The following NCKAP5 variants were observed in gnomAD, a reference collection of about 807,000 sequenced individuals.
NCKAP5 encodes NCK associated protein 5, also known as nck-associated protein 5.
Under a neutral mutation model 167.0 loss-of-function variants are expected in NCKAP5, and 92 were observed. That is an observed-to-expected ratio of 0.55 (90% CI 0.47 to 0.66). NCKAP5 has a LOEUF of 0.66. Among genes scored for constraint, NCKAP5 ranks in the 30% least tolerant of loss-of-function variants. NCKAP5 has a pLI of 0.00. For missense variants in NCKAP5, 2,378 were observed against 2,315.0 expected, an observed-to-expected ratio of 1.03 and a Z score of -0.56; for synonymous variants, 891 against 877.4, an observed-to-expected ratio of 1.02 and a Z score of -0.27.
chr2:133,036,147 C>T (rs557836120), intron 6 of NCKAP5, among the ~76,000 whole-genome samples: 5 of 151,840 alleles, frequency 3.3e-5, no homozygotes, highest in Admixed American at 2.6e-4. Flanking sequence ...CCTGAACAGA[C>T]CAATAACAAA....
intron 6 of NCKAP5, among the ~76,000 whole-genome samples, chr2:133,083,943 C>T (rs2080897415): frequency 6.6e-6 from 1 of 152,114 alleles, no homozygotes; most frequent in South Asian, 2.1e-4. Flanking sequence ...AAGAACAACT[C>T]TGGTGAGTTC....
At chr2:133,575,239 G>A in the NCKAP5 span, among the ~76,000 whole-genome samples, 795 of 152,314 alleles carry the variant, frequency 5.2e-3, 5 homozygotes, top group Middle Eastern at 0.024. Flanking sequence ...TGTCACTGCT[G>A]GCTTAAACTT....
At chr2:133,283,437 C>T (rs1385889300) in intron 4 of NCKAP5, among the ~76,000 whole-genome samples, 4 of 152,014 alleles carry the variant, frequency 2.6e-5, no homozygotes, top group Admixed American at 2.6e-4. Context: ...ATTCTAAAAT[C>T]ATTCTATAAT....
intron 3 of NCKAP5, among the ~76,000 whole-genome samples, chr2:133,484,806 T>TA (rs1680761432): frequency 7.0e-6 from 1 of 143,016 alleles, no homozygotes; most frequent in African/African-American, 3.0e-5. Context: ...TATTCTAAAA[T>TA]CAAAAAAAAA....
At position 132,795,820 on chromosome 2, in the gene NCKAP5, G is replaced by GAA. The variant is rs55826486; in HGVS notation, c.909+806_909+807dup. The stretch of plus-strand genomic sequence containing the variant: ...GGCAACAGGATGAGACCCCGTATCA[G>GAA]AAAAAAAAAAAAAAAAAACAAAAAA... On this transcript the variant is annotated intron_variant, in intron 12 of 19. Transcript: ENST00000409261. Among the ~76,000 whole-genome samples, 119 of 85,026 alleles carry GAA rather than the reference G, an allele frequency of 1.4e-3. 5 individuals carry two copies. Among genetic ancestry groups the GAA allele is most frequent in the Non-Finnish European group, 1.6e-3 (63 of 39,076 alleles). 55.8% of individuals were successfully genotyped at this position (85,026 alleles called of 152,430 possible).
intron 3 of NCKAP5, among the ~76,000 whole-genome samples, chr2:133,343,534 A>T (rs1472206719): frequency 1.3e-5 from 2 of 152,180 alleles, no homozygotes; most frequent in Non-Finnish European, 2.9e-5. Context: ...TCTTCAAAAA[A>T]TTTTATTTTT....
intron 6 of NCKAP5, among the ~76,000 whole-genome samples, chr2:133,071,993 T>G (rs1259677706): frequency 6.6e-6 from 1 of 152,210 alleles, no homozygotes; most frequent in African/African-American, 2.4e-5. Flanking sequence ...TTAGCTGTTG[T>G]TTTTGTTACT....
chr2:133,217,251 G>GA (rs1271737061), intron 4 of NCKAP5, among the ~76,000 whole-genome samples: 2 of 151,978 alleles, frequency 1.3e-5, no homozygotes, highest in African/African-American at 4.8e-5. Context: ...AAAGTACGCA[G>GA]AAAAATATCA....
chr2:132,747,699 C>T (rs572131543), intron 16 of NCKAP5, among the ~76,000 whole-genome samples: 6 of 152,192 alleles, frequency 3.9e-5, no homozygotes, highest in Non-Finnish European at 7.3e-5. Flanking sequence ...CTTCATTACA[C>T]CTCACCTTTC....
At chr2:132,813,014 T>A (rs1161646905) in intron 11 of NCKAP5, among the ~76,000 whole-genome samples, 1 of 152,188 alleles carries the variant, frequency 6.6e-6, no homozygotes, top group Non-Finnish European at 1.5e-5. Flanking sequence ...CCTTGGGGGT[T>A]AAGACTTCAA....
At chr2:132,755,854 A>AAATAATAATAATAATAATAAT (rs56967710) in intron 16 of NCKAP5, among the ~76,000 whole-genome samples, 66 of 143,806 alleles carry the variant, frequency 4.6e-4, no homozygotes, top group African/African-American at 1.4e-3. Flanking sequence ...CTAAATGGCA[A>AAATAATAATAATAATAATAAT]AATAATAATA....
chr2:133,025,382 T>C (rs1187965827), intron 6 of NCKAP5, among the ~76,000 whole-genome samples: 1 of 152,224 alleles, frequency 6.6e-6, no homozygotes, highest in Non-Finnish European at 1.5e-5. Context: ...TTTGCATGCT[T>C]CCAGGAAGAG....
intron 6 of NCKAP5, 111 bp from the exon 7 acceptor site, chr2:132,994,350 A>G: frequency 1.4e-6 from 1 of 739,486 alleles, no homozygotes; most frequent in Non-Finnish European, 2.2e-6. Context: ...TTCAACCTGG[A>G]AATCTCTTTT....
chr2:133,232,372 TA>T (rs1489009615), intron 4 of NCKAP5, among the ~76,000 whole-genome samples: 1 of 152,160 alleles, frequency 6.6e-6, no homozygotes, highest in African/African-American at 2.4e-5. Context: ...GAATTCCATT[TA>T]AAAAATATAT....
At chr2:133,418,111 T>C in intron 3 of NCKAP5, among the ~76,000 whole-genome samples, 1 of 152,238 alleles carries the variant, frequency 6.6e-6, no homozygotes, top group East Asian at 1.9e-4. Context: ...TTTAAGCCTT[T>C]GCAAACTGCT....
the NCKAP5 span, among the ~76,000 whole-genome samples, chr2:133,616,857 A>G: frequency 1.2e-4 from 18 of 152,320 alleles, 1 homozygote; most frequent in African/African-American, 4.3e-4. Context: ...CAAAAAAGAG[A>G]ACTTTAGACC....
chr2:133,590,610 C>T, the NCKAP5 span, among the ~76,000 whole-genome samples: 8,443 of 151,020 alleles, frequency 0.056, 536 homozygotes, highest in East Asian at 0.32. Flanking sequence ...CCATGGCAAA[C>T]CACAAAACCC....
At chr2:133,337,561 G>T (rs1683295478) in intron 3 of NCKAP5, among the ~76,000 whole-genome samples, 1 of 152,146 alleles carries the variant, frequency 6.6e-6, no homozygotes, top group Non-Finnish European at 1.5e-5. Flanking sequence ...GGTGGTTAGG[G>T]TGGGCCCTAA....
At chr2:132,827,300 G>T (rs191766585) in intron 11 of NCKAP5, among the ~76,000 whole-genome samples, 5 of 152,052 alleles carry the variant, frequency 3.3e-5, no homozygotes, top group Non-Finnish European at 5.9e-5. Context: ...CCTTTTAAAT[G>T]GATAATCCAG....
Sources: allele counts gnomAD v4.1 joint callset (sites outside exome capture counted in the v4.1 genomes callset), GRCh38; gene constraint gnomAD v4.1.1; transcripts MANE v1.5; gene names NCBI Gene and HGNC (gene_info 2026-07-23, HGNC 2026-07-21).